Variants in KCNQ1 observed in about 807,000 individuals in gnomAD.
KCNQ1 encodes potassium voltage-gated channel subfamily Q member 1.
Under a neutral mutation model 72.4 loss-of-function variants are expected in KCNQ1, and 49 were observed. The observed-to-expected ratio is 0.68, with a 90% CI of 0.54 to 0.86. KCNQ1 has a LOEUF of 0.86. KCNQ1 is among the 40% of genes least tolerant of loss of function. KCNQ1 has a pLI of 0.00. For missense variants in KCNQ1, 790 were observed against 945.1 expected, an observed-to-expected ratio of 0.84 and a Z score of 2.15; for synonymous variants, 450 against 412.6, an observed-to-expected ratio of 1.09 and a Z score of -1.10.
intron 11 of KCNQ1, chr11:2,680,470 G>A: frequency 2.5e-6 from 1 of 398,256 alleles, no homozygotes; most frequent in Non-Finnish European, 4.4e-6. Context: ...GAGGACTACT[G>A]ATTTTTTTTT....
At chr11:2,833,867 G>A (rs563139555) in intron 15 of KCNQ1, among the ~76,000 whole-genome samples, 1 of 152,310 alleles carries the variant, frequency 6.6e-6, no homozygotes, top group South Asian at 2.1e-4. Flanking sequence ...GAGGAGCGGC[G>A]GGGAGCGGGG....
intron 10 of KCNQ1, chr11:2,644,474 G>A (rs1405442797): frequency 7.5e-6 from 3 of 398,062 alleles, no homozygotes; most frequent in South Asian, 1.3e-4. Flanking sequence ...TTCATACCCC[G>A]AATTGTTTTT....
In KCNQ1 at chr11:2,657,892, C is replaced by G. The variant is rs1849878342; in HGVS notation, c.1394-4069C>G. 1 of 398,600 alleles carries G rather than the reference C, an allele frequency of 2.5e-6. No homozygotes were observed. Among genetic ancestry groups the G allele is most frequent in the Non-Finnish European group, 4.4e-6 (1 of 226,050 alleles). The allele number at this position is 398,600 out of a possible 1,614,324, so 24.7% of individuals were successfully genotyped here. Reference sequence around the variant, plus strand: ...GGAAGGAGGCCAGTGAGGTGAGATGCTTTCCTCATTGTGGAACATGACATC... The same window carrying G: ...GGAAGGAGGCCAGTGAGGTGAGATGGTTTCCTCATTGTGGAACATGACATC... On this transcript the variant is annotated intron_variant, in intron 10 of 15. Transcript: ENST00000155840. This position sits in a 1 kb window ranked among gnomAD's most constrained non-coding sequence, Gnocchi z 4.8.
At chr11:2,801,765 G>A (rs549241077) in intron 15 of KCNQ1, among the ~76,000 whole-genome samples, 1 of 152,242 alleles carries the variant, frequency 6.6e-6, no homozygotes, top group Non-Finnish European at 1.5e-5. Context: ...CTGAAGGGCA[G>A]GAAGTGAGGG....
chr11:2,700,210 C>T (rs917190120), intron 11 of KCNQ1, among the ~76,000 whole-genome samples: 1 of 151,866 alleles, frequency 6.6e-6, no homozygotes, highest in Non-Finnish European at 1.5e-5. Context: ...GGTCCAGCGC[C>T]GCATGAGGCA....
At position 2,445,121 on chromosome 11, in the gene KCNQ1, C is replaced by A; in HGVS notation, c.23C>A (p.Pro8His). ...GTTATGGCCGCGGCCTCCTCCCCGC[C>A]CAGGGCCGAGAGGAAGCGCTGGGGT... MAAASSPPRAERKRWGWG... is the reference protein window; with the variant it reads MAAASSPHRAERKRWGWG... The change falls in exon 1 of 16, where the codon CCC (proline) becomes CAC (histidine). Residue 8 changes from proline (P) to histidine (H), a missense_variant. By Grantham distance (77) the Pro-to-His change is moderately conservative (BLOSUM62 -2). Around this residue, in one of 5 missense-constraint regions of KCNQ1, gnomAD observed 294 missense variants for 323.3 expected, o/e 0.91. Transcript: ENST00000155840. The A allele has an allele frequency of 9.0e-7, 1 of 1,108,062 alleles. No individual in the cohort carries two copies. The highest frequency in any genetic ancestry group is 1.1e-6 in the Non-Finnish European group (1 of 907,278). The allele number at this position is 1,108,062 out of a possible 1,614,324, so 68.6% of individuals were successfully genotyped here.
rs780442007 is a variant in KCNQ1 at position 2,481,365 on chromosome 11, G to A, written c.386+35881G>A. Among the ~76,000 whole-genome samples the A allele has an allele frequency of 6.6e-5, 10 of 152,042 alleles. No individual in the cohort carries two copies. The highest frequency in any genetic ancestry group is 1.2e-4 in the Non-Finnish European group (8 of 67,978). On this transcript the variant is annotated intron_variant, in intron 1 of 15. Transcript: ENST00000155840. This position sits in a 1 kb window ranked among gnomAD's most constrained non-coding sequence, Gnocchi z 4.6. ...TTTTTCTCGGCGTGTGTGTGTGCGC[G>A]CGTGCATGCACATGTTTCTACTTGG...
At chr11:2,812,912 T>C (rs1847522648) in intron 15 of KCNQ1, among the ~76,000 whole-genome samples, 1 of 152,362 alleles carries the variant, frequency 6.6e-6, no homozygotes, top group South Asian at 2.1e-4. Context: ...ATCTGAAGTC[T>C]GCTGTTGGCA....
chr11:2,676,220 A>G lies in KCNQ1; in HGVS notation c.1514+14139A>G, dbSNP rs1045698539. ...TACTTCTTTTTGAGCTGTACATACA[A>G]TGCTGATTTATTATGGTGCAGTACA... On this transcript the variant is annotated intron_variant, in intron 11 of 15. Transcript: ENST00000155840. The surrounding 1 kb of genome is among the most constrained non-coding windows in gnomAD (Gnocchi z 4.2). 3 of 398,540 alleles carry G rather than the reference A, an allele frequency of 7.5e-6. No individual in the cohort carries two copies. The highest frequency in any genetic ancestry group is 1.3e-5 in the Non-Finnish European group (3 of 226,080). 24.7% of individuals were successfully genotyped at this position (398,540 alleles called of 1,614,324 possible).
chr11:2,621,555 T>C lies in KCNQ1; in HGVS notation c.1393+32701T>C. Reference sequence around the variant, plus strand: ...ATGCAGAAGCTCTTTAGTTTACCACTGTGATCTCTTTGCTATTGGTCTGTT... The same window carrying C: ...ATGCAGAAGCTCTTTAGTTTACCACCGTGATCTCTTTGCTATTGGTCTGTT... On this transcript the variant is annotated intron_variant, in intron 10 of 15. Coordinates refer to ENST00000155840, the MANE Select transcript of KCNQ1 (RefSeq NM_000218.3). The surrounding 1 kb of genome is among the most constrained non-coding windows in gnomAD (Gnocchi z 5.7). 1 of 398,522 alleles carries C rather than the reference T, an allele frequency of 2.5e-6. No individual in the cohort carries two copies. The allele number at this position is 398,522 out of a possible 1,614,324, so 24.7% of individuals were successfully genotyped here.
rs1257395905 is a variant in KCNQ1, at chr11:2,613,876, A to G, written c.1393+25022A>G. On this transcript the variant is annotated intron_variant, in intron 10 of 15. Coordinates refer to ENST00000155840, the MANE Select transcript of KCNQ1 (RefSeq NM_000218.3). The surrounding 1 kb of genome is among the most constrained non-coding windows in gnomAD (Gnocchi z 4.8). The stretch of plus-strand genomic sequence containing the variant: ...TTTGTGTGTGTTTGCTCTTTATAAG[A>G]CATGATTATTTTCTCATTTCCCAAA... 1 of 398,444 alleles carries G rather than the reference A, an allele frequency of 2.5e-6. No individual in the cohort carries two copies. The highest frequency in any genetic ancestry group is 4.4e-6 in the Non-Finnish European group (1 of 226,056). The allele number at this position is 398,444 out of a possible 1,614,324, so 24.7% of individuals were successfully genotyped here.
rs1327327095 is a variant in KCNQ1 at position 2,848,527 on chromosome 11, G to T, written c.*524G>T. The T allele has an allele frequency of 4.4e-6, 2 of 454,620 alleles. No individual in the cohort carries two copies. The highest frequency in any genetic ancestry group is 8.8e-6 in the Non-Finnish European group (2 of 227,180). The allele number at this position is 454,620 out of a possible 1,614,324, so 28.2% of individuals were successfully genotyped here. ...AGCCCATTTGGAGGGCCTGGGCCTG[G>T]CTCCCTCACTCTCAGGAAATGCTGA... On this transcript the variant is annotated 3_prime_UTR_variant, in exon 16 of 16. Coordinates refer to ENST00000155840, the MANE Select transcript of KCNQ1 (RefSeq NM_000218.3).
chr11:2,523,858 C>T (rs1024928218), intron 1 of KCNQ1, among the ~76,000 whole-genome samples: 2 of 151,176 alleles, frequency 1.3e-5, no homozygotes, highest in Non-Finnish European at 2.9e-5. Context: ...CTCCTCAGGC[C>T]TCCATTTGCT....
intron 15 of KCNQ1, among the ~76,000 whole-genome samples, chr11:2,797,566 C>T (rs233441): frequency 1.3e-5 from 2 of 151,996 alleles, no homozygotes; most frequent in African/African-American, 4.8e-5. Flanking sequence ...ACCCTTGCTC[C>T]GGAGCTCGAG....
At chr11:2,755,869 C>T (rs1188666058) in intron 11 of KCNQ1, among the ~76,000 whole-genome samples, 1 of 152,122 alleles carries the variant, frequency 6.6e-6, no homozygotes, top group Non-Finnish European at 1.5e-5. Context: ...AATAACGAAT[C>T]AATAAATATA....
At chr11:2,505,387 C>G (rs189016493) in intron 1 of KCNQ1, among the ~76,000 whole-genome samples, 1 of 152,130 alleles carries the variant, frequency 6.6e-6, no homozygotes, top group African/African-American at 2.4e-5. Context: ...AGACTTAATT[C>G]GTGGCCTGAT....
chr11:2,501,445 C>A (rs1847008792), intron 1 of KCNQ1, among the ~76,000 whole-genome samples: 1 of 151,898 alleles, frequency 6.6e-6, no homozygotes, highest in Non-Finnish European at 1.5e-5. Flanking sequence ...GGATACATTC[C>A]TAGACATGTG....
intron 11 of KCNQ1, among the ~76,000 whole-genome samples, chr11:2,732,780 G>C (rs1845877247): frequency 1.3e-5 from 2 of 152,166 alleles, no homozygotes; most frequent in South Asian, 4.1e-4. Context: ...CCGCCACCGA[G>C]GCCTCGCCTT....
intron 2 of KCNQ1, among the ~76,000 whole-genome samples, chr11:2,532,033 C>T (rs915853679): frequency 2.6e-5 from 4 of 152,176 alleles, no homozygotes; most frequent in African/African-American, 9.7e-5. Flanking sequence ...GCCCCAGGGC[C>T]TTTGCAAGCC....
Sources: gnomAD v4.1 joint callset for allele counts (sites outside exome capture counted in the v4.1 genomes callset) on GRCh38, gnomAD v4.1.1 for gene constraint, gnomAD v4.1.1 regional missense constraint, Gnocchi (gnomAD v3.1) non-coding constraint, MANE v1.5 for transcripts, NCBI Gene and HGNC (gene_info 2026-07-23, HGNC 2026-07-21) for gene names.